The following EPM2A variants were observed in gnomAD, a reference collection of about 807,000 sequenced individuals.
EPM2A encodes EPM2A glucan phosphatase, laforin, also known as laforin.
Under a neutral mutation model 26.5 loss-of-function variants are expected in EPM2A, and 21 were observed. That is an observed-to-expected ratio of 0.79 (90% CI 0.56 to 1.14). The LOEUF (loss-of-function observed/expected upper bound fraction) is 1.14, where lower values mean the gene tolerates loss of function less well. Among genes scored for constraint, EPM2A ranks in the 50% most tolerant of loss-of-function variants. The pLI is 0.00. For synonymous variants in EPM2A, 217 were observed against 177.6 expected, an observed-to-expected ratio of 1.22 and a Z score of -1.76; for missense variants, 458 against 440.8, an observed-to-expected ratio of 1.04 and a Z score of -0.35.
intron 2 of EPM2A, among the ~76,000 whole-genome samples, chr6:145,588,859 A>G (rs1234691593): frequency 3.3e-5 from 5 of 152,226 alleles, no homozygotes. Flanking sequence ...AATGGAGAGA[A>G]CACATGGTTA....
chr6:145,535,878 T>C (rs1006331192), intron 2 of EPM2A, among the ~76,000 whole-genome samples: 1 of 152,232 alleles, frequency 6.6e-6, no homozygotes, highest in Non-Finnish European at 1.5e-5. Flanking sequence ...TTCACAGGAG[T>C]GGAACTCCCT....
At chr6:145,485,283 G>T (rs1158781859) in intron 4 of EPM2A, among the ~76,000 whole-genome samples, 1 of 152,076 alleles carries the variant, frequency 6.6e-6, no homozygotes, top group Non-Finnish European at 1.5e-5. Flanking sequence ...AGTTTCAAAA[G>T]AGGACATAGT....
rs576528898 is a variant in EPM2A at position 145,689,649 on chromosome 6, T to C, written c.302-3353A>G. Among the ~76,000 whole-genome samples, 4 of 152,346 alleles carry C rather than the reference T, an allele frequency of 2.6e-5. 1 individual carries two copies. In the South Asian group the frequency reaches 8.3e-4, roughly 32 times the overall value. On this transcript the variant is annotated intron_variant, in intron 1 of 3. Transcript: ENST00000367519. The stretch of plus-strand genomic sequence containing the variant: ...AGACAAGCCTAGCCAGACAGAAATC[T>C]GTTTGATAATAACTACACTACTCCA...
intron 4 of EPM2A, among the ~76,000 whole-genome samples, chr6:145,428,152 T>C (rs73559143): frequency 0.011 from 1,623 of 149,136 alleles, 26 homozygotes; most frequent in African/African-American, 0.038. Flanking sequence ...TTATGCATCC[T>C]AATCTTATTA....
chr6:145,541,972 TAAAA>T (rs202151020), intron 2 of EPM2A, among the ~76,000 whole-genome samples: 1 of 147,678 alleles, frequency 6.8e-6, no homozygotes, highest in Non-Finnish European at 1.5e-5. Context: ...AGATGATGCT[TAAAA>T]AAAAAAGAGG....
intron 4 of EPM2A, among the ~76,000 whole-genome samples, chr6:145,457,535 A>G (rs1224946055): frequency 6.6e-6 from 1 of 151,956 alleles, no homozygotes; most frequent in Non-Finnish European, 1.5e-5. Context: ...CCTTTAATGT[A>G]TCTTCTGAAA....
intron 2 of EPM2A, among the ~76,000 whole-genome samples, chr6:145,608,946 G>A (rs556031750): frequency 6.6e-6 from 1 of 152,256 alleles, no homozygotes; most frequent in African/African-American, 2.4e-5. Context: ...AACTACTCAG[G>A]AAATTGTTTA....
intron 2 of EPM2A, among the ~76,000 whole-genome samples, chr6:145,545,719 G>A (rs899776900): frequency 6.6e-6 from 1 of 152,086 alleles, no homozygotes; most frequent in African/African-American, 2.4e-5. Context: ...GACCCGAGCT[G>A]AGCTGCTCAT....
chr6:145,555,685 G>C (rs1027903863), intron 2 of EPM2A, among the ~76,000 whole-genome samples: 1 of 152,036 alleles, frequency 6.6e-6, no homozygotes, highest in Non-Finnish European at 1.5e-5. Flanking sequence ...AAATAGTTGT[G>C]TGTGCTTGCA....
chr6:145,455,362 T>C (rs533219903), intron 4 of EPM2A, among the ~76,000 whole-genome samples: 2 of 152,214 alleles, frequency 1.3e-5, no homozygotes, highest in Middle Eastern at 3.4e-3. Context: ...ACTAAAAAAA[T>C]TTTTTTCTTT....
At chr6:145,663,207 C>G (rs1778864565) in intron 2 of EPM2A, among the ~76,000 whole-genome samples, 1 of 152,142 alleles carries the variant, frequency 6.6e-6, no homozygotes, top group Admixed American at 6.5e-5. Context: ...GGGGGTATAG[C>G]AATGGAAATG....
intron 4 of EPM2A, among the ~76,000 whole-genome samples, chr6:145,402,927 A>G (rs1778513130): frequency 6.6e-6 from 1 of 152,136 alleles, no homozygotes; most frequent in South Asian, 2.1e-4. Context: ...TGCATTTGCA[A>G]TTTTAATGCT....
At chr6:145,573,402 G>C (rs1315457438) in intron 2 of EPM2A, among the ~76,000 whole-genome samples, 1 of 152,340 alleles carries the variant, frequency 6.6e-6, no homozygotes, top group South Asian at 2.1e-4. Context: ...GTGTTAATTT[G>C]CTCAAGCAAT....
intron 4 of EPM2A, among the ~76,000 whole-genome samples, chr6:145,484,320 G>GT (rs548073865): frequency 0.016 from 2,394 of 149,820 alleles, 37 homozygotes; most frequent in Middle Eastern, 0.031. Context: ...ATGATTTTCT[G>GT]TTTTTTTTTC....
chr6:145,651,501 T>C (rs1051772900), intron 2 of EPM2A, among the ~76,000 whole-genome samples: 1 of 152,234 alleles, frequency 6.6e-6, no homozygotes, highest in African/African-American at 2.4e-5. Context: ...TAAAGGAAGC[T>C]GGTCCTGAGA....
At chr6:145,429,512 A>G (rs185685891) in intron 4 of EPM2A, among the ~76,000 whole-genome samples, 56 of 151,830 alleles carry the variant, frequency 3.7e-4, no homozygotes, top group Non-Finnish European at 7.2e-4. Flanking sequence ...CATCATGATA[A>G]ACCTTAGAAA....
At chr6:145,692,012 G>A (rs900001044) in intron 1 of EPM2A, among the ~76,000 whole-genome samples, 3 of 151,696 alleles carry the variant, frequency 2.0e-5, no homozygotes, top group African/African-American at 2.4e-5. Context: ...ATACACAGGT[G>A]GGAAGTAAAA....
intron 4 of EPM2A, among the ~76,000 whole-genome samples, chr6:145,397,830 T>C (rs1420104999): frequency 2.0e-5 from 3 of 152,192 alleles, no homozygotes; most frequent in Non-Finnish European, 4.4e-5. Flanking sequence ...TCATGGACAT[T>C]AATGTCTGTA....
chr6:145,536,533 G>A (rs1002576558), intron 2 of EPM2A, among the ~76,000 whole-genome samples: 4 of 151,818 alleles, frequency 2.6e-5, no homozygotes, highest in African/African-American at 7.3e-5. Context: ...TTGACCTCAA[G>A]TGATCCACCC....
Sources: gnomAD v4.1 joint callset for allele counts (sites outside exome capture counted in the v4.1 genomes callset) on GRCh38, gnomAD v4.1.1 for gene constraint, MANE v1.5 for transcripts, NCBI Gene and HGNC (gene_info 2026-07-23, HGNC 2026-07-21) for gene names.